Variants in PCBP3 observed in about 807,000 individuals in gnomAD.
The protein encoded by PCBP3 is poly(rC)-binding protein 3.
A neutral mutation model predicts 52.7 loss-of-function variants in PCBP3; 25 were observed. The ratio of observed to expected loss-of-function variants is 0.47; its 90% CI spans 0.35 to 0.66. The LOEUF is 0.66. Ranked by LOEUF, PCBP3 falls within the 30% of genes least tolerant of loss-of-function variation. PCBP3 has a pLI of 0.01. For missense variants in PCBP3, 391 were observed against 490.3 expected (o/e 0.80, Z 1.91); for synonymous variants, 162 against 183.0 (o/e 0.89, Z 0.93).
intron 4 of PCBP3, among the ~76,000 whole-genome samples, chr21:45,764,200 G>A (rs959992902): frequency 2.7e-5 from 4 of 149,382 alleles, no homozygotes; most frequent in Non-Finnish European, 5.9e-5. Context: ...TTGGCTCACC[G>A]CAACCTCCGC....
chr21:45,784,359 C>G (rs2090888907), intron 4 of PCBP3, among the ~76,000 whole-genome samples: 1 of 146,070 alleles, frequency 6.8e-6, no homozygotes, highest in Non-Finnish European at 1.5e-5. Context: ...TCTACCTCTA[C>G]CTCTACCTCT....
Position 45,829,965 on chromosome 21 carries a change from TCTG to T in PCBP3, c.-125-19991_-125-19989del, listed in dbSNP as rs1190800248. 1 of 152,736 alleles carries T rather than the reference TCTG, an allele frequency of 6.5e-6. No individual in the cohort carries two copies. Among genetic ancestry groups the T allele is most frequent in the African/African-American group, 2.4e-5 (1 of 41,442 alleles). The allele number at this position is 152,736 out of a possible 1,614,324, so 9.5% of individuals were successfully genotyped here. A position where few individuals can be genotyped will look rare whatever the true frequency, so the allele number is the denominator to read the frequency against. The stretch of plus-strand genomic sequence containing the variant: ...TTCACCCACCAGCCTGAGACCAGCT[TCTG>T]CTGCCCTGCTGCGATCGCTGTGGTC... On this transcript the variant is annotated intron_variant, in intron 4 of 17. Coordinates refer to ENST00000681687, the MANE Select transcript of PCBP3 (RefSeq NM_001384156.1). This position sits in a 1 kb window ranked among gnomAD's most constrained non-coding sequence, Gnocchi z 5.2.
At chr21:45,775,866 CTT>C (rs1389691394) in intron 4 of PCBP3, among the ~76,000 whole-genome samples, 2 of 152,132 alleles carry the variant, frequency 1.3e-5, no homozygotes, top group African/African-American at 2.4e-5. Flanking sequence ...TATTTCTTCT[CTT>C]CTGCTAATTT....
rs527470409 is a variant in PCBP3, at chr21:45,864,111, TG to T, written c.10+14018del. On this transcript the variant is annotated intron_variant, in intron 5 of 17. Coordinates refer to ENST00000681687, the MANE Select transcript of PCBP3 (RefSeq NM_001384156.1). The stretch of plus-strand genomic sequence containing the variant: ...ACGGATGTTTATCAATCAGAGATAC[TG>T]GATGTGGTATGGGAGTGTGACTCTC... Among the ~76,000 whole-genome samples the T allele has an allele frequency of 1.0e-3, 156 of 152,314 alleles. 1 individual carries two copies. Among genetic ancestry groups the T allele is most frequent in the African/African-American group, 3.5e-3 (147 of 41,564 alleles).
intron 14 of PCBP3, 41 bp downstream of exon 14, chr21:45,930,036 C>A: frequency 7.1e-7 from 1 of 1,404,076 alleles, no homozygotes; most frequent in Non-Finnish European, 1.0e-6. Flanking sequence ...CTCTTCTCAC[C>A]TGGGGACTTT....
chr21:45,679,659 G>A (rs1043677189), intron 2 of PCBP3, among the ~76,000 whole-genome samples: 2 of 152,078 alleles, frequency 1.3e-5, no homozygotes, highest in African/African-American at 4.8e-5. Flanking sequence ...TTGCAAATAT[G>A]TCTCCCATCC....
At chr21:45,734,677 G>A (rs1035974147) in intron 2 of PCBP3, among the ~76,000 whole-genome samples, 5 of 152,166 alleles carry the variant, frequency 3.3e-5, no homozygotes, top group Non-Finnish European at 5.9e-5. Flanking sequence ...TGCAGCAATT[G>A]TAGGATGCAA....
intron 4 of PCBP3, among the ~76,000 whole-genome samples, chr21:45,758,014 G>A (rs770615962): frequency 2.0e-5 from 3 of 151,814 alleles, no homozygotes; most frequent in Non-Finnish European, 4.4e-5. Context: ...TCAGCCTCCC[G>A]AGTAGCTGGG....
chr21:45,648,086 A>G (rs1478371053), intron 1 of PCBP3, among the ~76,000 whole-genome samples: 3 of 152,158 alleles, frequency 2.0e-5, no homozygotes, highest in Non-Finnish European at 2.9e-5. Context: ...AAGAAAAGGG[A>G]TTCTGTCCCC....
At chr21:45,832,231 T>C (rs1055642009) in intron 4 of PCBP3, among the ~76,000 whole-genome samples, 1 of 152,194 alleles carries the variant, frequency 6.6e-6, no homozygotes, top group Non-Finnish European at 1.5e-5. Context: ...ATTTGTAAAC[T>C]GTTATGGTGC....
intron 4 of PCBP3, among the ~76,000 whole-genome samples, chr21:45,770,149 C>T (rs1277546168): frequency 6.6e-6 from 1 of 152,212 alleles, no homozygotes; most frequent in Non-Finnish European, 1.5e-5. Context: ...AACGGCGCCC[C>T]TGAACTCCGC....
intron 6 of PCBP3, 35 bp downstream of exon 6, chr21:45,896,397 C>G: frequency 6.5e-7 from 1 of 1,545,268 alleles, no homozygotes; most frequent in Non-Finnish European, 8.8e-7. Flanking sequence ...GTAGGAAAGG[C>G]GGCCGCGGCA....
intron 5 of PCBP3, among the ~76,000 whole-genome samples, chr21:45,894,464 G>A (rs548869949): frequency 4.5e-4 from 68 of 152,230 alleles, no homozygotes; most frequent in African/African-American, 1.5e-3. Context: ...AAAGGGTACA[G>A]CCAGGCTTAT....
At chr21:45,841,659 T>C (rs2093701897) in intron 4 of PCBP3, among the ~76,000 whole-genome samples, 1 of 152,250 alleles carries the variant, frequency 6.6e-6, no homozygotes, top group African/African-American at 2.4e-5. Context: ...TACTTCTTTT[T>C]GGTAGTGTTC....
At chr21:45,877,136 C>T (rs1015395958) in intron 5 of PCBP3, among the ~76,000 whole-genome samples, 5 of 152,232 alleles carry the variant, frequency 3.3e-5, no homozygotes, top group African/African-American at 9.6e-5. Flanking sequence ...CTCTTCCTTT[C>T]GGGTCTGACG....
intron 4 of PCBP3, among the ~76,000 whole-genome samples, chr21:45,767,697 T>C (rs1040356384): frequency 2.0e-5 from 3 of 152,252 alleles, no homozygotes; most frequent in Non-Finnish European, 4.4e-5. Flanking sequence ...GTAAAAGGAC[T>C]TGCTCAGGAT....
intron 2 of PCBP3, among the ~76,000 whole-genome samples, chr21:45,715,953 C>A (rs1237980106): frequency 6.6e-6 from 1 of 152,046 alleles, no homozygotes; most frequent in Non-Finnish European, 1.5e-5. Context: ...CATGTCCTTG[C>A]AAGCATAAAA....
At chr21:45,648,663 C>T (rs146117963) in intron 1 of PCBP3, among the ~76,000 whole-genome samples, 1 of 152,300 alleles carries the variant, frequency 6.6e-6, no homozygotes, top group East Asian at 1.9e-4. Flanking sequence ...ACTAATCCTT[C>T]GTAGCTTCAG....
intron 2 of PCBP3, among the ~76,000 whole-genome samples, chr21:45,690,781 A>G (rs1328835339): frequency 2.0e-5 from 3 of 152,178 alleles, no homozygotes; most frequent in Non-Finnish European, 4.4e-5. Context: ...ATCTATCATT[A>G]GTCTTTAGGA....
Sources: gnomAD v4.1 joint callset for allele counts (sites outside exome capture counted in the v4.1 genomes callset) on GRCh38, gnomAD v4.1.1 for gene constraint, Gnocchi (gnomAD v3.1) non-coding constraint, MANE v1.5 for transcripts, NCBI Gene and HGNC (gene_info 2026-07-23, HGNC 2026-07-21) for gene names.